ZNF687: variants seen among roughly 807,000 people sequenced by gnomAD.
The protein encoded by ZNF687 is zinc finger protein 687.
ZNF687 carries 13 observed loss-of-function variants against 71.8 expected under a neutral mutation model. That is an observed-to-expected ratio of 0.18 (90% CI 0.12 to 0.29). The LOEUF is 0.29. Among genes scored for constraint, ZNF687 ranks in the 10% least tolerant of loss-of-function variants. ZNF687 has a pLI of 1.00. For synonymous variants in ZNF687, 673 were observed against 641.6 expected, an observed-to-expected ratio of 1.05 and a Z score of -0.74; for missense variants, 1,412 against 1,625.6, an observed-to-expected ratio of 0.87 and a Z score of 2.26.
In ZNF687 at chr1:151,288,286, G is replaced by A. The variant is rs201050504; in HGVS notation, c.1995G>A (p.Pro665=). 1.1e-5 allele frequency: 18 copies of A among 1,613,474 alleles called. No homozygotes were observed. The Admixed American group carries it at 1.5e-4, about 13-fold the overall frequency. Residue 665 remains proline, a synonymous_variant, in exon 2 of 9, where the codon CCG becomes CCA. Coordinates refer to ENST00000336715, the MANE Select transcript of ZNF687 (RefSeq NM_020832.3). ...TCTCCACAGAGCCGCCTGCTGCCCC[G>A]GCCACCTCTGCTTACACATGCTTTC... ...LPLSTEPPAA[P]ATSAYTCFRC...
chr1:151,290,243 T>TG lies in ZNF687; in HGVS notation c.3077+10dup. 1 of 1,613,658 alleles carries TG rather than the reference T, an allele frequency of 6.2e-7. No individual in the cohort carries two copies. The highest frequency in any genetic ancestry group is 1.3e-5 in the African/African-American group (1 of 75,050). On this transcript the variant is annotated intron_variant, in intron 7 of 8. Coordinates refer to ENST00000336715, the MANE Select transcript of ZNF687 (RefSeq NM_020832.3). Reference sequence around the variant, plus strand: ...CGAGTTTACCCCTGCAGGTAAGTCTTGCTCCCCGCTTCCTCTTCCTGCCCA... The same window carrying TG: ...CGAGTTTACCCCTGCAGGTAAGTCTTGGCTCCCCGCTTCCTCTTCCTGCCCA...
chr1:151,281,562 C>T (rs775750804), upstream of ZNF687: 3 of 471,142 alleles, frequency 6.4e-6, no homozygotes, highest in East Asian at 1.4e-4. Context: ...CCGATTCCTT[C>T]CATGCTCCAA....
Position 151,290,866 on chromosome 1 carries a change from T to C in ZNF687, c.3371T>C (p.Leu1124Pro), listed in dbSNP as rs1694208417. The change falls in exon 9 of 9, where the codon CTC becomes CCC. Residue 1124 changes from leucine to proline, a missense_variant. Leu to Pro is a moderately conservative substitution (Grantham distance 98). Around this residue, in one of 8 missense-constraint regions of ZNF687, gnomAD observed 284 missense variants for 359.2 expected, o/e 0.79. Transcript: ENST00000336715. ...AGCAGCAGCTCCACAGAACAGAGCC[T>C]CATGATGGGGTTGAGGGTGGAGGAT... ...YRSSSSTEQS[L>P]MMGLRVEDGA... 2 of 1,614,010 alleles carry C rather than the reference T, an allele frequency of 1.2e-6. No individual in the cohort carries two copies. The highest frequency in any genetic ancestry group is 1.7e-6 in the Non-Finnish European group (2 of 1,179,998).
rs1694270238 is a variant in ZNF687 at position 151,291,748 on chromosome 1, G to A, written c.*539G>A. On this transcript the variant is annotated 3_prime_UTR_variant, in exon 9 of 9. Coordinates refer to ENST00000336715, the MANE Select transcript of ZNF687 (RefSeq NM_020832.3). ...CCCAGAAATCCGGGGCGGGGGGGTG[G>A]GGGGTTGGTAGGGATGAGTCCTGTC... The A allele has an allele frequency of 6.5e-6, 1 of 153,054 alleles. No individual in the cohort carries two copies. The highest frequency in any genetic ancestry group is 1.5e-5 in the Non-Finnish European group (1 of 68,806). The allele number at this position is 153,054 out of a possible 1,614,324, so 9.5% of individuals were successfully genotyped here.
At position 151,290,887 on chromosome 1, in the gene ZNF687, A is replaced by G. The variant is rs1694209959; in HGVS notation, c.3392A>G (p.Glu1131Gly). ...AGCCTCATGATGGGGTTGAGGGTGG[A>G]GGATGGTGCCCAGCAGTGCCTCGAC... ...EQSLMMGLRV[E>G]DGAQQCLDCG... Residue 1131 changes from glutamate (E) to glycine (G), a missense_variant, in exon 9 of 9, where the codon GAG becomes GGG. Glu to Gly is a moderately conservative substitution (Grantham distance 98, BLOSUM62 -2). This residue lies in a region of ZNF687 where 284 missense variants were observed against 359.2 expected (regional missense o/e 0.79). Coordinates refer to ENST00000336715, the MANE Select transcript of ZNF687 (RefSeq NM_020832.3). 1.2e-6 allele frequency: 2 copies of G among 1,613,910 alleles called. No homozygotes were observed. Among genetic ancestry groups the G allele is most frequent in the Non-Finnish European group, 1.7e-6 (2 of 1,180,014 alleles).
At position 151,289,844 on chromosome 1, in the gene ZNF687, C is replaced by T; in HGVS notation, c.2801C>T (p.Ser934Phe). 2 of 1,567,788 alleles carry T rather than the reference C, an allele frequency of 1.3e-6. No individual in the cohort carries two copies. Among genetic ancestry groups the T allele is most frequent in the South Asian group, 1.2e-5 (1 of 85,822 alleles). Residue 934 changes from serine (S) to phenylalanine (F), a missense_variant, in exon 6 of 9, where the codon TCC becomes TTC. Physicochemically the swap from Ser to Phe is radical, Grantham distance 155 (BLOSUM62 -2). Coordinates refer to ENST00000336715, the MANE Select transcript of ZNF687 (RefSeq NM_020832.3). Reference sequence around the variant, plus strand: ...TCAGAAGAGGAGGAAGTACCCAGCTCCCCTGAGCCCCCCCGTCCAGCCAAA... The same window carrying T: ...TCAGAAGAGGAGGAAGTACCCAGCTTCCCTGAGCCCCCCCGTCCAGCCAAA... ...SSSEEEEVPS[S>F]PEPPRPAKRP...
chr1:151,283,134 C>T (rs1235671797), intron 1 of ZNF687: 3 of 985,480 alleles, frequency 3.0e-6, no homozygotes, highest in African/African-American at 1.7e-5. Flanking sequence ...CCGCGCGCCT[C>T]AGTTTCCCTT....
chr1:151,289,402 C>T lies in ZNF687; in HGVS notation c.2496C>T (p.Cys832=), dbSNP rs146722973. ...GGCTGATCTACAAGTGCGCCATGTG[C>T]GACACAGTCTTCACTCACAAACCCC... ...QAKLIYKCAM[C]DTVFTHKPLL... is the part of the protein sequence containing the mutation. Residue 832 remains cysteine (C), a synonymous_variant, in exon 5 of 9, where the codon TGC becomes TGT. Transcript: ENST00000336715. The T allele has an allele frequency of 5.3e-5, 85 of 1,614,190 alleles. No homozygotes were observed. The highest frequency in any genetic ancestry group is 1.1e-4 in the East Asian group (5 of 44,888).
chr1:151,288,783 C>T, intron 3 of ZNF687, 77 bp downstream of exon 3: 3 of 1,445,628 alleles, frequency 2.1e-6, no homozygotes, highest in Non-Finnish European at 2.8e-6. Flanking sequence ...CTTTCAAGAT[C>T]CCCTATCTTC....
In ZNF687 at chr1:151,286,479, C is replaced by T; in HGVS notation, c.188C>T (p.Pro63Leu). 1.2e-6 allele frequency: 2 copies of T among 1,614,068 alleles called. No homozygotes were observed. Among genetic ancestry groups the T allele is most frequent in the African/African-American group, 1.3e-5 (1 of 75,076 alleles). ...DTAAASAGDG[P>L]GVPAQASDHG... The stretch of plus-strand genomic sequence containing the variant: ...GCAGCAGCCTCTGCTGGGGATGGCC[C>T]TGGAGTTCCAGCCCAGGCCTCTGAC... Residue 63 changes from proline to leucine, a missense_variant, in exon 2 of 9, where the codon CCT (proline) becomes CTT (leucine). By Grantham distance (98) the Pro-to-Leu change is moderately conservative. Coordinates refer to ENST00000336715, the MANE Select transcript of ZNF687 (RefSeq NM_020832.3).
chr1:151,290,606 T>G (rs1694189348), intron 8 of ZNF687, 33 bp downstream of exon 8: 1 of 1,599,114 alleles, frequency 6.3e-7, no homozygotes, highest in Non-Finnish European at 8.5e-7. Flanking sequence ...GTGCTAGGGC[T>G]TTGAGTGGGA....
In ZNF687 at chr1:151,286,487, C is replaced by T; in HGVS notation, c.196C>T (p.Pro66Ser). Reference protein sequence around the residue: ...AASAGDGPGVPAQASDHGLPP... With the variant: ...AASAGDGPGVSAQASDHGLPP... ...CTCTGCTGGGGATGGCCCTGGAGTTCCAGCCCAGGCCTCTGACCATGGCCT... is the reference window on the plus strand; with the variant it reads ...CTCTGCTGGGGATGGCCCTGGAGTTTCAGCCCAGGCCTCTGACCATGGCCT... The change falls in exon 2 of 9, where the codon CCA becomes TCA. Residue 66 changes from proline (P) to serine (S), a missense_variant. Coordinates refer to ENST00000336715, the MANE Select transcript of ZNF687 (RefSeq NM_020832.3). 6.2e-7 allele frequency: 1 copy of T among 1,614,084 alleles called. No individual in the cohort carries two copies. The highest frequency in any genetic ancestry group is 8.5e-7 in the Non-Finnish European group (1 of 1,179,944).
Position 151,290,972 on chromosome 1 carries a change from G to C in ZNF687, c.3477G>C (p.Lys1159Asn). 1 of 1,613,848 alleles carries C rather than the reference G, an allele frequency of 6.2e-7. No individual in the cohort carries two copies. Residue 1159 changes from lysine to asparagine, a missense_variant, in exon 9 of 9, where the codon AAG becomes AAC. Lys to Asn is a moderately conservative substitution (Grantham distance 94). Transcript: ENST00000336715. Reference protein sequence around the residue: ...SLSRHRFISHKKRRGVGKASA... With the variant: ...SLSRHRFISHNKRRGVGKASA... ...GCCGACACCGTTTCATCAGCCACAAGAAGAGACGGGGTGTGGGTAAAGCCA... is the reference window on the plus strand; with the variant it reads ...GCCGACACCGTTTCATCAGCCACAACAAGAGACGGGGTGTGGGTAAAGCCA...
chr1:151,285,200 A>C (rs1267284485), intron 1 of ZNF687: 1 of 152,244 alleles, frequency 6.6e-6, no homozygotes, highest in African/African-American at 2.4e-5. Flanking sequence ...CCCTTTGTAC[A>C]TGCAGCCTTT....
In ZNF687 at chr1:151,290,940, T is replaced by C; in HGVS notation, c.3445T>C (p.Ser1149Pro). ...DCGLCFASPG[S>P]LSRHRFISHK... is the part of the protein sequence containing the mutation. Reference sequence around the variant, plus strand: ...TGGCTTGTGCTTTGCCTCCCCTGGCTCCCTGAGCCGACACCGTTTCATCAG... The same window carrying C: ...TGGCTTGTGCTTTGCCTCCCCTGGCCCCCTGAGCCGACACCGTTTCATCAG... The change falls in exon 9 of 9, where the codon TCC (serine) becomes CCC (proline). Residue 1149 changes from serine (S) to proline (P), a missense_variant. Ser to Pro is a moderately conservative substitution (Grantham distance 74, BLOSUM62 -1). Coordinates refer to ENST00000336715, the MANE Select transcript of ZNF687 (RefSeq NM_020832.3). 1 of 1,613,704 alleles carries C rather than the reference T, an allele frequency of 6.2e-7. No individual in the cohort carries two copies. The highest frequency in any genetic ancestry group is 8.5e-7 in the Non-Finnish European group (1 of 1,179,994).
chr1:151,286,508 G>T lies in ZNF687; in HGVS notation c.217G>T (p.Gly73Cys), dbSNP rs1247417440. Reference protein sequence around the residue: ...PGVPAQASDHGLPPPDISVVS... With the variant: ...PGVPAQASDHCLPPPDISVVS... ...AGTTCCAGCCCAGGCCTCTGACCAT[G>T]GCCTGCCACCGCCAGACATTTCTGT... Residue 73 changes from glycine (G) to cysteine (C), a missense_variant, in exon 2 of 9, where the codon GGC becomes TGC. By Grantham distance (159) the Gly-to-Cys change is radical. Transcript: ENST00000336715. 6.2e-7 allele frequency: 1 copy of T among 1,614,186 alleles called. No homozygotes were observed. The highest frequency in any genetic ancestry group is 8.5e-7 in the Non-Finnish European group (1 of 1,180,026).
chr1:151,288,219 C>T lies in ZNF687; in HGVS notation c.1928C>T (p.Ser643Phe). 6.2e-7 allele frequency: 1 copy of T among 1,613,794 alleles called. No individual in the cohort carries two copies. The highest frequency in any genetic ancestry group is 8.5e-7 in the Non-Finnish European group (1 of 1,180,016). The change falls in exon 2 of 9, where the codon TCT becomes TTT. Residue 643 changes from serine (S) to phenylalanine (F), a missense_variant. By Grantham distance (155) the Ser-to-Phe change is radical (BLOSUM62 -2). Around this residue, in one of 8 missense-constraint regions of ZNF687, gnomAD observed 207 missense variants for 239.2 expected, o/e 0.87. Transcript: ENST00000336715. ...LGKGEGAITS[S>F]AITTVAAEAP... Reference sequence around the variant, plus strand: ...AAGGGTGAGGGGGCCATCACCTCCTCTGCCATTACTACAGTTGCTGCTGAG... The same window carrying T: ...AAGGGTGAGGGGGCCATCACCTCCTTTGCCATTACTACAGTTGCTGCTGAG...
In ZNF687 at chr1:151,291,333, C is replaced by T. The variant is rs1694239204; in HGVS notation, c.*124C>T. 3 of 1,268,816 alleles carry T rather than the reference C, an allele frequency of 2.4e-6. No homozygotes were observed. Among genetic ancestry groups the T allele is most frequent in the Non-Finnish European group, 3.2e-6 (3 of 943,250 alleles). The allele number at this position is 1,268,816 out of a possible 1,614,324, so 78.6% of individuals were successfully genotyped here. ...ATTTTGTTAATTCCTGTCTCTCCAA[C>T]CTGAAGAAGAAGAGCATTTGAGGAT... On this transcript the variant is annotated 3_prime_UTR_variant, in exon 9 of 9. Coordinates refer to ENST00000336715, the MANE Select transcript of ZNF687 (RefSeq NM_020832.3).
chr1:151,281,577 C>T (rs1170672275), upstream of ZNF687: 1 of 471,190 alleles, frequency 2.1e-6, no homozygotes, highest in African/African-American at 2.0e-5. Flanking sequence ...CTCCAAATCC[C>T]GTGCCCCGTC....
Sources: gnomAD v4.1 joint callset for allele counts on GRCh38, gnomAD v4.1.1 for gene constraint, gnomAD v4.1.1 regional missense constraint, MANE v1.5 for transcripts, NCBI Gene and HGNC (gene_info 2026-07-23, HGNC 2026-07-21) for gene names.